Variants in CLOCK observed in about 807,000 individuals in gnomAD.
The protein encoded by CLOCK is clock circadian regulator, also known as circadian locomoter output cycles protein kaput.
A neutral mutation model predicts 118.4 loss-of-function variants in CLOCK; 43 were observed. The ratio of observed to expected loss-of-function variants is 0.36; its 90% CI spans 0.28 to 0.47. CLOCK has a LOEUF of 0.47. CLOCK is among the 20% of genes least tolerant of loss of function. CLOCK has a pLI of 1.00. For missense variants in CLOCK, 846 were observed against 999.9 expected, an observed-to-expected ratio of 0.85 and a Z score of 2.08; for synonymous variants, 326 against 339.2, an observed-to-expected ratio of 0.96 and a Z score of 0.43.
intron 8 of CLOCK, among the ~76,000 whole-genome samples, chr4:55,470,154 C>T (rs1435997836): frequency 1.3e-5 from 2 of 152,174 alleles, no homozygotes; most frequent in African/African-American, 4.8e-5. Context: ...TAGTCCTTCA[C>T]ATTCACTTAT....
intron 1 of CLOCK, among the ~76,000 whole-genome samples, chr4:55,511,656 A>G (rs1244021538): frequency 6.6e-6 from 1 of 151,892 alleles, no homozygotes; most frequent in African/African-American, 2.4e-5. Flanking sequence ...CTTCACTCTT[A>G]GTGCTGTACA....
intron 1 of CLOCK, among the ~76,000 whole-genome samples, chr4:55,511,039 T>C (rs1456941015): frequency 1.3e-5 from 2 of 152,156 alleles, no homozygotes; most frequent in Non-Finnish European, 2.9e-5. Context: ...CAGGGGACCT[T>C]TGCAAGAGCC....
At chr4:55,483,899 A>G (rs965729439) in intron 3 of CLOCK, among the ~76,000 whole-genome samples, 2 of 152,150 alleles carry the variant, frequency 1.3e-5, no homozygotes, top group African/African-American at 2.4e-5. Context: ...TTGTCTCTCT[A>G]TATTCTATAG....
intron 2 of CLOCK, among the ~76,000 whole-genome samples, chr4:55,509,071 C>T (rs768995731): frequency 5.9e-5 from 9 of 152,146 alleles, no homozygotes; most frequent in Admixed American, 5.2e-4. Flanking sequence ...AACTGTAACA[C>T]AATATAAGTA....
chr4:55,528,676 A>G (rs986814113), intron 1 of CLOCK, among the ~76,000 whole-genome samples: 9 of 152,248 alleles, frequency 5.9e-5, no homozygotes, highest in African/African-American at 2.2e-4. Context: ...TCTACACATG[A>G]AAGGACTACA....
At chr4:55,485,973 T>C (rs1017490041) in intron 3 of CLOCK, among the ~76,000 whole-genome samples, 1 of 152,190 alleles carries the variant, frequency 6.6e-6, no homozygotes, top group African/African-American at 2.4e-5. Context: ...CAAATGCTCC[T>C]TTACTTAAGC....
chr4:55,475,879 G>T, intron 7 of CLOCK, 84 bp downstream of exon 7: 1 of 882,408 alleles, frequency 1.1e-6, no homozygotes, highest in Non-Finnish European at 1.9e-6. Flanking sequence ...TCGCAATATC[G>T]CCAAGGTACA....
In CLOCK at chr4:55,433,775, C is replaced by T. The variant is rs1722674140; in HGVS notation, c.*1640G>A. 1 of 152,084 alleles carries T rather than the reference C, an allele frequency of 6.6e-6. No homozygotes were observed. Among genetic ancestry groups the T allele is most frequent in the Non-Finnish European group, 1.5e-5 (1 of 68,004 alleles). 9.4% of individuals were successfully genotyped at this position (152,084 alleles called of 1,614,324 possible). On this transcript the variant is annotated 3_prime_UTR_variant, in exon 23 of 23. Coordinates refer to ENST00000513440, the MANE Select transcript of CLOCK (RefSeq NM_004898.4). Reference sequence around the variant, plus strand: ...ATGTAACTTGTATTGGAATTTATTACTTTTAGAATATGATATTGCCAAAGG... The same window carrying T: ...ATGTAACTTGTATTGGAATTTATTATTTTTAGAATATGATATTGCCAAAGG...
chr4:55,487,382 G>C (rs1727363842), intron 3 of CLOCK, among the ~76,000 whole-genome samples: 1 of 152,120 alleles, frequency 6.6e-6, no homozygotes, highest in Non-Finnish European at 1.5e-5. Context: ...AGGGCTATCA[G>C]GTTGAAATAT....
intron 7 of CLOCK, 69 bp downstream of exon 7, chr4:55,475,891 CTGG>C: frequency 9.9e-7 from 1 of 1,012,880 alleles, no homozygotes; most frequent in Middle Eastern, 2.8e-4. Context: ...CAAGGTACAC[CTGG>C]ATATTAAGTC....
intron 1 of CLOCK, among the ~76,000 whole-genome samples, chr4:55,518,845 T>A (rs1269719143): frequency 6.6e-6 from 1 of 152,196 alleles, no homozygotes; most frequent in African/African-American, 2.4e-5. Context: ...CCAAATGGAC[T>A]AAGACAACCG....
chr4:55,448,809 T>C lies in CLOCK; in HGVS notation c.1509A>G (p.Thr503=), dbSNP rs774377240. 1 of 1,614,038 alleles carries C rather than the reference T, an allele frequency of 6.2e-7. No individual in the cohort carries two copies. Among genetic ancestry groups the C allele is most frequent in the South Asian group, 1.1e-5 (1 of 91,084 alleles). The change falls in exon 18 of 23, where the codon ACA becomes ACG. Residue 503 remains threonine, a synonymous_variant. Coordinates refer to ENST00000513440, the MANE Select transcript of CLOCK (RefSeq NM_004898.4). ...ACATGCCTTGTGGAATTGGTAAATTTGTAGCTTGAGACATCACTGGCTGTG... is the reference window on the plus strand; with the variant it reads ...ACATGCCTTGTGGAATTGGTAAATTCGTAGCTTGAGACATCACTGGCTGTG... ...SLTQPVMSQA[T]NLPIPQGMSQ... is the part of the protein sequence containing the mutation.
intron 15 of CLOCK, 25 bp from the exon 16 acceptor site, chr4:55,450,257 G>A (rs557067405): frequency 8.1e-6 from 13 of 1,613,430 alleles, no homozygotes; most frequent in East Asian, 6.7e-5. Flanking sequence ...TAAAATAAAT[G>A]TTTTCTTGTG....
Position 55,435,384 on chromosome 4 carries a change from T to A in CLOCK, c.*31A>T, listed in dbSNP as rs1209445384. ...AACTCTTAATGGGCCATCCCCTTCC[T>A]CCCTTGATGTCAAGAGAGGAAGCAC... On this transcript the variant is annotated 3_prime_UTR_variant, in exon 23 of 23. Coordinates refer to ENST00000513440, the MANE Select transcript of CLOCK (RefSeq NM_004898.4). The A allele has an allele frequency of 6.2e-7, 1 of 1,613,318 alleles. No homozygotes were observed. The highest frequency in any genetic ancestry group is 1.7e-5 in the Admixed American group (1 of 59,968).
chr4:55,523,830 T>C (rs1431843194), intron 1 of CLOCK, among the ~76,000 whole-genome samples: 3 of 152,254 alleles, frequency 2.0e-5, no homozygotes, highest in Non-Finnish European at 4.4e-5. Flanking sequence ...TTTTGAAACC[T>C]TTGATGGCTT....
At chr4:55,471,908 G>GA (rs1301728031) in intron 7 of CLOCK, among the ~76,000 whole-genome samples, 2 of 151,622 alleles carry the variant, frequency 1.3e-5, no homozygotes, top group African/African-American at 4.9e-5. Context: ...CCTTGTCTCT[G>GA]AAAAAAAATT....
chr4:55,435,722 A>C, intron 22 of CLOCK, 128 bp from the exon 23 acceptor site: 3 of 928,492 alleles, frequency 3.2e-6, no homozygotes, highest in Non-Finnish European at 5.1e-6. Flanking sequence ...TATCACTTTC[A>C]CTCTCTGGTT....
intron 1 of CLOCK, among the ~76,000 whole-genome samples, chr4:55,518,631 C>T (rs1214143632): frequency 6.6e-6 from 1 of 152,166 alleles, no homozygotes; most frequent in Non-Finnish European, 1.5e-5. Flanking sequence ...TCAATGAGAT[C>T]AGTGCCCTTA....
At chr4:55,462,594 A>G (rs949215344) in intron 9 of CLOCK, among the ~76,000 whole-genome samples, 1 of 152,070 alleles carries the variant, frequency 6.6e-6, no homozygotes, top group Non-Finnish European at 1.5e-5. Flanking sequence ...CCACCTTTCT[A>G]ATTTTTCTCT....
Sources: allele counts gnomAD v4.1 joint callset (sites outside exome capture counted in the v4.1 genomes callset), GRCh38; gene constraint gnomAD v4.1.1; transcripts MANE v1.5; gene names NCBI Gene and HGNC (gene_info 2026-07-23, HGNC 2026-07-21).